DCDC1: variants seen among roughly 807,000 people sequenced by gnomAD.
DCDC1 encodes the protein doublecortin domain-containing protein 1.
A neutral mutation model predicts 178.3 loss-of-function variants in DCDC1; 200 were observed. That is an observed-to-expected ratio of 1.12 (90% CI 1.00 to 1.26). The LOEUF (loss-of-function observed/expected upper bound fraction) is 1.26, where lower values mean the gene tolerates loss of function less well. DCDC1 is among the 50% of genes most tolerant of loss of function. The probability of loss-of-function intolerance (pLI) is 0.00; values close to 1 mark genes in which losing one functional copy is unlikely to be tolerated. For missense variants in DCDC1, 1,983 were observed against 1,749.2 expected (o/e 1.13, Z -2.38); for synonymous variants, 690 against 604.8 (o/e 1.14, Z -2.07).
chr11:30,869,205 T>G (rs999933743), intron 38 of DCDC1, among the ~76,000 whole-genome samples: 2 of 152,248 alleles, frequency 1.3e-5, no homozygotes, highest in Non-Finnish European at 2.9e-5. Flanking sequence ...TGCTTTGGTT[T>G]GCCTTTTGGT....
intron 22 of DCDC1, among the ~76,000 whole-genome samples, chr11:30,930,756 A>C (rs1247962953): frequency 6.6e-6 from 1 of 152,118 alleles, no homozygotes; most frequent in African/African-American, 2.4e-5. Flanking sequence ...AGAAACAGAA[A>C]TTTTGTGTTA....
chr11:30,922,631 A>C lies in DCDC1; in HGVS notation c.3005T>G (p.Val1002Gly), dbSNP rs754185168. The change falls in exon 24 of 39, where the codon GTT (valine) becomes GGT (glycine). Residue 1002 changes from valine (V) to glycine (G), a missense_variant. Coordinates refer to ENST00000684477, the MANE Select transcript of DCDC1 (RefSeq NM_001387274.1). Reference sequence around the variant, plus strand: ...ATTGATCCAGAGTTCTCCACATGAAACATACACCTATCAAACAAAGCATCT... The same window carrying C: ...ATTGATCCAGAGTTCTCCACATGAACCATACACCTATCAAACAAAGCATCT... ...KDLQRDELVYVSCGELWINPD... is the reference protein window; with the variant it reads ...KDLQRDELVYGSCGELWINPD... 1.9e-6 allele frequency: 3 copies of C among 1,543,860 alleles called. No individual in the cohort carries two copies. The East Asian group carries it at 7.3e-5, about 38-fold the overall frequency.
intron 7 of DCDC1, among the ~76,000 whole-genome samples, chr11:31,267,042 C>A (rs764907703): frequency 1.3e-5 from 2 of 152,110 alleles, no homozygotes; most frequent in Non-Finnish European, 2.9e-5. Flanking sequence ...CCCCATGGAC[C>A]ACATGCTCCC....
In DCDC1 at chr11:31,342,204, C is replaced by T. The variant is rs117786828; in HGVS notation, c.-124-6640G>A. On this transcript the variant is annotated intron_variant, in intron 1 of 38. Coordinates refer to ENST00000684477, the MANE Select transcript of DCDC1 (RefSeq NM_001387274.1). Reference sequence around the variant, plus strand: ...GATGGGAAGCTCAAAGATTATGAGACTACACTTGCTGCTAACTAAGCATAT... The same window carrying T: ...GATGGGAAGCTCAAAGATTATGAGATTACACTTGCTGCTAACTAAGCATAT... Among the ~76,000 whole-genome samples the T allele has an allele frequency of 6.6e-4, 100 of 152,322 alleles. 4 individuals carry two copies. The East Asian group carries it at 0.019, about 29-fold the overall frequency.
chr11:31,264,319 TA>T (rs1944995078), intron 8 of DCDC1, among the ~76,000 whole-genome samples: 2 of 152,116 alleles, frequency 1.3e-5, no homozygotes, highest in South Asian at 4.1e-4. Context: ...TGTAGCCTGG[TA>T]GGAAGGGTGC....
At chr11:31,158,102 T>C (rs1965914178) in intron 9 of DCDC1, among the ~76,000 whole-genome samples, 2 of 151,988 alleles carry the variant, frequency 1.3e-5, no homozygotes, top group African/African-American at 4.8e-5. Context: ...TGTTTTATTT[T>C]ATTTTATTAT....
intron 21 of DCDC1, chr11:30,944,053 G>C (rs1400384205): frequency 8.1e-6 from 2 of 247,512 alleles, no homozygotes; most frequent in African/African-American, 4.5e-5. Context: ...CCTAGATTTA[G>C]TATTTTTACT....
intron 10 of DCDC1, among the ~76,000 whole-genome samples, chr11:31,130,017 A>C (rs539377047): frequency 6.6e-6 from 1 of 152,240 alleles, no homozygotes; most frequent in Non-Finnish European, 1.5e-5. Flanking sequence ...GATAATGTTT[A>C]ACCCAACACT....
At chr11:30,968,219 T>C (rs1949555950) in intron 20 of DCDC1, among the ~76,000 whole-genome samples, 1 of 152,086 alleles carries the variant, frequency 6.6e-6, no homozygotes, top group South Asian at 2.1e-4. Context: ...GAACTGACCA[T>C]AGCACCACTG....
chr11:31,364,837 C>CAA (rs1367275082), intron 1 of DCDC1, among the ~76,000 whole-genome samples: 1 of 132,088 alleles, frequency 7.6e-6, no homozygotes, highest in Non-Finnish European at 1.6e-5. Context: ...GTTAATCTGT[C>CAA]AAAAAAAAAA....
At chr11:30,953,903 T>C (rs1286317387) in intron 20 of DCDC1, among the ~76,000 whole-genome samples, 1 of 151,096 alleles carries the variant, frequency 6.6e-6, no homozygotes, top group Non-Finnish European at 1.5e-5. Flanking sequence ...TGAATAAGAA[T>C]GTAAGACAAA....
chr11:30,914,129 C>T (rs1590341631), intron 27 of DCDC1, among the ~76,000 whole-genome samples: 1 of 152,360 alleles, frequency 6.6e-6, no homozygotes, highest in East Asian at 1.9e-4. Context: ...TTCCATATGG[C>T]AAACCATTCA....
intron 21 of DCDC1, among the ~76,000 whole-genome samples, chr11:30,933,623 T>C (rs2134330943): frequency 6.6e-6 from 1 of 152,358 alleles, no homozygotes; most frequent in Admixed American, 6.5e-5. Flanking sequence ...TTTTCAGTTG[T>C]TACCTTCCTC....
At chr11:30,944,999 C>T (rs1424235847) in intron 21 of DCDC1, among the ~76,000 whole-genome samples, 2 of 108,040 alleles carry the variant, frequency 1.9e-5, no homozygotes, top group Non-Finnish European at 3.4e-5. Context: ...GACGGAGTCT[C>T]ATTCTGTCTC....
At chr11:31,103,091 G>A (rs1359247504) in intron 14 of DCDC1, among the ~76,000 whole-genome samples, 1 of 152,128 alleles carries the variant, frequency 6.6e-6, no homozygotes, top group Non-Finnish European at 1.5e-5. Context: ...CCTGGCCTAT[G>A]GTCAACACTC....
At chr11:31,280,199 C>T (rs1308819074) in intron 7 of DCDC1, among the ~76,000 whole-genome samples, 1 of 152,082 alleles carries the variant, frequency 6.6e-6, no homozygotes, top group African/African-American at 2.4e-5. Context: ...ATAAAGTAGA[C>T]GTTGCTACCT....
At chr11:31,181,777 G>A (rs1177099658) in intron 9 of DCDC1, among the ~76,000 whole-genome samples, 2 of 151,972 alleles carry the variant, frequency 1.3e-5, no homozygotes, top group Non-Finnish European at 2.9e-5. Context: ...AGCACAAAAC[G>A]GCTGAAAATT....
chr11:31,210,845 A>T (rs1476678103), intron 9 of DCDC1, among the ~76,000 whole-genome samples: 4 of 152,210 alleles, frequency 2.6e-5, no homozygotes, highest in Non-Finnish European at 5.9e-5. Flanking sequence ...TTCAATAAAT[A>T]AAACCTTGAA....
chr11:30,887,360 C>T (rs1458230890), intron 36 of DCDC1, among the ~76,000 whole-genome samples: 2 of 152,118 alleles, frequency 1.3e-5, no homozygotes, highest in African/African-American at 2.4e-5. Context: ...CTTCTACTTG[C>T]GATGCTGTGA....
Sources: gnomAD v4.1 joint callset for allele counts (sites outside exome capture counted in the v4.1 genomes callset) on GRCh38, gnomAD v4.1.1 for gene constraint, MANE v1.5 for transcripts, NCBI Gene and HGNC (gene_info 2026-07-23, HGNC 2026-07-21) for gene names.